CDYL: variants seen among roughly 807,000 people sequenced by gnomAD.
CDYL encodes chromodomain Y-like protein.
In CDYL, 8 loss-of-function variants were observed where a neutral mutation model predicts 47.3. The ratio of observed to expected loss-of-function variants is 0.17; its 90% CI spans 0.10 to 0.31. The LOEUF is 0.31. Among genes scored for constraint, CDYL ranks in the 10% least tolerant of loss-of-function variants. CDYL has a pLI of 1.00. For synonymous variants in CDYL, 266 were observed against 265.0 expected (o/e 1.00, Z -0.04); for missense variants, 471 against 701.4 (o/e 0.67, Z 3.71).
chr6:4,890,028 C>CA, intron 1 of CDYL: 1 of 985,486 alleles, frequency 1.0e-6, no homozygotes, highest in Non-Finnish European at 1.2e-6. Context: ...CAGTGTGCTC[C>CA]ACCAGGCTCC....
intron 2 of CDYL, among the ~76,000 whole-genome samples, chr6:4,932,338 A>G (rs1041812937): frequency 2.6e-5 from 4 of 152,288 alleles, no homozygotes; most frequent in South Asian, 2.1e-4. Context: ...CTGCAGCATC[A>G]TCACAGGGCA....
intron 1 of CDYL, among the ~76,000 whole-genome samples, chr6:4,790,669 G>T (rs1758893999): frequency 6.6e-6 from 1 of 152,340 alleles, no homozygotes; most frequent in Admixed American, 6.5e-5. Flanking sequence ...TTCAAAGGCA[G>T]CCAGTAGGTT....
intron 3 of CDYL, among the ~76,000 whole-genome samples, chr6:4,757,073 A>G (rs1261744095): frequency 6.6e-6 from 1 of 152,204 alleles, no homozygotes; most frequent in Non-Finnish European, 1.5e-5. Context: ...TAACTGATTG[A>G]CATGAATAAA....
intron 2 of CDYL, among the ~76,000 whole-genome samples, chr6:4,924,959 A>G (rs1037184488): frequency 2.0e-5 from 3 of 152,268 alleles, no homozygotes; most frequent in African/African-American, 7.2e-5. Flanking sequence ...ACGATACATT[A>G]TCTTGAAAAA....
chr6:4,791,067 C>T (rs528502290), intron 1 of CDYL, among the ~76,000 whole-genome samples: 8 of 152,154 alleles, frequency 5.3e-5, no homozygotes, highest in African/African-American at 9.7e-5. Flanking sequence ...AGAAACAGAA[C>T]GAAGTGTAAC....
At chr6:4,943,113 G>T (rs962209015) in intron 4 of CDYL, among the ~76,000 whole-genome samples, 1 of 152,138 alleles carries the variant, frequency 6.6e-6, no homozygotes, top group Non-Finnish European at 1.5e-5. Flanking sequence ...TTAACACCAG[G>T]CAGTCTTAGT....
chr6:4,720,894 A>G (rs938691729), intron 2 of CDYL, among the ~76,000 whole-genome samples: 5 of 152,184 alleles, frequency 3.3e-5, no homozygotes, highest in African/African-American at 1.2e-4. Context: ...AGCTGTTAAT[A>G]TTATCATTTA....
intron 1 of CDYL, among the ~76,000 whole-genome samples, chr6:4,827,390 C>G (rs1195145037): frequency 1.3e-5 from 2 of 152,002 alleles, no homozygotes; most frequent in Non-Finnish European, 2.9e-5. Context: ...ATTAGTTGAT[C>G]TTTTTTCTTT....
intron 1 of CDYL, among the ~76,000 whole-genome samples, chr6:4,875,041 C>A (rs1281498002): frequency 6.6e-6 from 1 of 152,088 alleles, no homozygotes; most frequent in East Asian, 1.9e-4. Context: ...ACAGAAATTT[C>A]TTTTGGCAAA....
At chr6:4,952,200 A>G in intron 5 of CDYL, 66 bp from the exon 6 acceptor site, 1 of 1,551,326 alleles carries the variant, frequency 6.4e-7, no homozygotes, top group African/African-American at 1.4e-5. Flanking sequence ...GTGGATTTTA[A>G]GGGATGGGTC....
chr6:4,763,627 TAAG>T (rs1276170829), intron 3 of CDYL, among the ~76,000 whole-genome samples: 1 of 152,144 alleles, frequency 6.6e-6, no homozygotes, highest in African/African-American at 2.4e-5. Flanking sequence ...TTCCAGGTAA[TAAG>T]GAGAAAAATA....
At chr6:4,763,404 TGAA>T (rs1416858905) in intron 3 of CDYL, among the ~76,000 whole-genome samples, 5 of 152,112 alleles carry the variant, frequency 3.3e-5, no homozygotes, top group Admixed American at 1.3e-4. Flanking sequence ...GCAATTAAAA[TGAA>T]GAATTAAAAC....
intron 1 of CDYL, among the ~76,000 whole-genome samples, chr6:4,777,591 C>T (rs1410667771): frequency 6.6e-6 from 1 of 152,178 alleles, no homozygotes; most frequent in African/African-American, 2.4e-5. Flanking sequence ...GCTTTCTGTT[C>T]TTCTGGATAA....
At chr6:4,717,740 A>AAAAAAAAT (rs1491395482) in intron 2 of CDYL, among the ~76,000 whole-genome samples, 13 of 118,762 alleles carry the variant, frequency 1.1e-4, no homozygotes, top group African/African-American at 3.7e-4. Flanking sequence ...AAAAAAAAAA[A>AAAAAAAAT]TTAAAAATTG....
rs1758824662 is a variant in CDYL, at chr6:4,955,004, C to T, written c.*948C>T. 1 of 152,416 alleles carries T rather than the reference C, an allele frequency of 6.6e-6. No homozygotes were observed. The highest frequency in any genetic ancestry group is 1.5e-5 in the Non-Finnish European group (1 of 68,024). 9.4% of individuals were successfully genotyped at this position (152,416 alleles called of 1,614,324 possible). ...GTTTATAAAGTGTAATTTTTAGGTTCACTTAGAATATATTTTATTTAATAA... is the reference window on the plus strand; with the variant it reads ...GTTTATAAAGTGTAATTTTTAGGTTTACTTAGAATATATTTTATTTAATAA... On this transcript the variant is annotated 3_prime_UTR_variant, in exon 7 of 7. Transcript: ENST00000397588.
intron 1 of CDYL, among the ~76,000 whole-genome samples, chr6:4,863,889 T>C (rs1761245261): frequency 6.6e-6 from 1 of 152,222 alleles, no homozygotes; most frequent in Non-Finnish European, 1.5e-5. Context: ...AATTAGTGTT[T>C]CTCAGGAGAC....
chr6:4,855,297 G>T (rs934854874), intron 1 of CDYL, among the ~76,000 whole-genome samples: 3 of 152,068 alleles, frequency 2.0e-5, no homozygotes, highest in African/African-American at 7.2e-5. Flanking sequence ...TTTTTTTAGA[G>T]ATGAGGTCTT....
intron 3 of CDYL, among the ~76,000 whole-genome samples, chr6:4,739,750 C>T (rs1379690691): frequency 6.6e-6 from 1 of 151,800 alleles, no homozygotes; most frequent in African/African-American, 2.4e-5. Context: ...GTCAGGAGTT[C>T]GAGAACAGCC....
chr6:4,860,193 G>C (rs991817683), intron 1 of CDYL, among the ~76,000 whole-genome samples: 1 of 152,030 alleles, frequency 6.6e-6, no homozygotes, highest in Admixed American at 6.6e-5. Context: ...GAGCCACCAC[G>C]CCCAGCCAGT....
Sources: gnomAD v4.1 joint callset for allele counts (sites outside exome capture counted in the v4.1 genomes callset) on GRCh38, gnomAD v4.1.1 for gene constraint, MANE v1.5 for transcripts, NCBI Gene and HGNC (gene_info 2026-07-23, HGNC 2026-07-21) for gene names.